TMEM132C: variants seen among roughly 807,000 people sequenced by gnomAD.
TMEM132C encodes protein phosphatase 1, regulatory subunit 152.
In TMEM132C, 29 loss-of-function variants were observed where a neutral mutation model predicts 61.4. The observed-to-expected ratio is 0.47, with a 90% CI of 0.35 to 0.64. The LOEUF (loss-of-function observed/expected upper bound fraction) is 0.64, where lower values mean the gene tolerates loss of function less well. Ranked by LOEUF, TMEM132C falls within the 30% of genes least tolerant of loss-of-function variation. The probability of loss-of-function intolerance (pLI) is 0.00; values close to 1 mark genes in which losing one functional copy is unlikely to be tolerated. For synonymous variants in TMEM132C, 656 were observed against 633.1 expected (o/e 1.04, Z -0.54); for missense variants, 1,408 against 1,476.9 (o/e 0.95, Z 0.76).
chr12:128,488,660 C>CA (rs201867929), intron 2 of TMEM132C, among the ~76,000 whole-genome samples: 19 of 150,026 alleles, frequency 1.3e-4, no homozygotes, highest in South Asian at 6.3e-4. Context: ...GACTCCATCT[C>CA]AAAAAAAATA....
At chr12:128,547,423 G>A (rs1276017454) in intron 3 of TMEM132C, among the ~76,000 whole-genome samples, 1 of 151,758 alleles carries the variant, frequency 6.6e-6, no homozygotes, top group Non-Finnish European at 1.5e-5. Flanking sequence ...AATTAGCCGG[G>A]CGTGGTGGCG....
At chr12:128,557,420 A>G (rs950334450) in intron 3 of TMEM132C, among the ~76,000 whole-genome samples, 8 of 152,206 alleles carry the variant, frequency 5.3e-5, no homozygotes, top group African/African-American at 1.9e-4. Flanking sequence ...CAGACCAGTA[A>G]TTAGTTTTAG....
chr12:128,653,708 C>T (rs1010011107), intron 4 of TMEM132C, among the ~76,000 whole-genome samples: 6 of 152,142 alleles, frequency 3.9e-5, no homozygotes, highest in Admixed American at 6.5e-5. Context: ...CTAGATAAAT[C>T]AGTGCATGCA....
intron 1 of TMEM132C, among the ~76,000 whole-genome samples, chr12:128,320,812 CAA>C (rs34303937): frequency 7.7e-6 from 1 of 129,220 alleles, no homozygotes; most frequent in Admixed American, 7.7e-5. Context: ...AAGATAAATA[CAA>C]AAAAAAAAAG....
At chr12:128,336,020 G>A (rs1376265869) in intron 1 of TMEM132C, among the ~76,000 whole-genome samples, 1 of 152,118 alleles carries the variant, frequency 6.6e-6, no homozygotes, top group Admixed American at 6.5e-5. Context: ...GTTTTATTTT[G>A]CCTCTGTAGT....
At chr12:128,509,588 G>A (rs1872505732) in intron 2 of TMEM132C, among the ~76,000 whole-genome samples, 1 of 152,182 alleles carries the variant, frequency 6.6e-6, no homozygotes, top group Non-Finnish European at 1.5e-5. Flanking sequence ...AGTGAGTTTG[G>A]GGTCCTGAGA....
At chr12:128,449,689 A>G (rs943628249) in intron 2 of TMEM132C, among the ~76,000 whole-genome samples, 22 of 152,234 alleles carry the variant, frequency 1.4e-4, no homozygotes, top group African/African-American at 4.8e-4. Flanking sequence ...CCATCAGAGT[A>G]CAAACTAATC....
At chr12:128,301,741 T>C (rs1566048554) in intron 1 of TMEM132C, among the ~76,000 whole-genome samples, 1 of 152,146 alleles carries the variant, frequency 6.6e-6, no homozygotes, top group Non-Finnish European at 1.5e-5. Context: ...CCTGTGAAGG[T>C]AGCTGACTAA....
At chr12:128,545,943 A>G (rs12367472) in intron 3 of TMEM132C, among the ~76,000 whole-genome samples, 1 of 152,030 alleles carries the variant, frequency 6.6e-6, no homozygotes, top group South Asian at 2.1e-4. Flanking sequence ...ATTACTGGAC[A>G]CATTTTCTTA....
chr12:128,659,997 T>G (rs998355216), intron 4 of TMEM132C, among the ~76,000 whole-genome samples: 1 of 152,162 alleles, frequency 6.6e-6, no homozygotes, highest in Non-Finnish European at 1.5e-5. Context: ...TTGAGTGAGT[T>G]AGTTGGCATT....
rs137928068 is a variant in TMEM132C at position 128,435,968 on chromosome 12, A to G, written c.974+20348A>G. Among the ~76,000 whole-genome samples the G allele has an allele frequency of 1.9e-3, 290 of 152,358 alleles. 1 individual carries two copies. The highest frequency in any genetic ancestry group is 0.017 in the East Asian group (86 of 5,182). On this transcript the variant is annotated intron_variant, in intron 2 of 8. Transcript: ENST00000435159. ...AATCAGAGATATAGACCAATGGAAC[A>G]GAACAGAGGCCTCAGAAATAACACC...
intron 3 of TMEM132C, among the ~76,000 whole-genome samples, chr12:128,584,278 A>C (rs1277863892): frequency 6.6e-6 from 1 of 152,174 alleles, no homozygotes; most frequent in Non-Finnish European, 1.5e-5. Context: ...AATTAATGAG[A>C]AACTTTCTGG....
intron 1 of TMEM132C, among the ~76,000 whole-genome samples, chr12:128,368,046 T>A (rs1042126691): frequency 7.2e-5 from 11 of 152,288 alleles, no homozygotes; most frequent in Admixed American, 7.2e-4. Context: ...ACATGGCAAC[T>A]TTGCGTGAAT....
At position 128,414,723 on chromosome 12, in the gene TMEM132C, C is replaced by T. The variant is rs1031530465; in HGVS notation, c.86-9C>T. 1.5e-5 allele frequency: 22 copies of T among 1,501,006 alleles called. No homozygotes were observed. In the Admixed American group the frequency reaches 4.0e-4, roughly 27 times the overall value. 93.0% of individuals were successfully genotyped at this position (1,501,006 alleles called of 1,614,324 possible). On this transcript the variant is annotated splice_polypyrimidine_tract_variant and intron_variant, in intron 1 of 8. Coordinates refer to ENST00000435159, the MANE Select transcript of TMEM132C (RefSeq NM_001136103.3). ...TGTCTTTTTCTTTTCTTTCTTTTTC[C>T]CTTTTTAGTGATAGAGGGTCACGGG...
At chr12:128,574,606 C>A (rs774364816) in intron 3 of TMEM132C, among the ~76,000 whole-genome samples, 1 of 152,194 alleles carries the variant, frequency 6.6e-6, no homozygotes, top group Non-Finnish European at 1.5e-5. Context: ...CCAGTGGCCC[C>A]CTTCTGGAGG....
At chr12:128,617,320 G>T (rs1876840072) in intron 4 of TMEM132C, among the ~76,000 whole-genome samples, 1 of 152,176 alleles carries the variant, frequency 6.6e-6, no homozygotes, top group Non-Finnish European at 1.5e-5. Flanking sequence ...ATGCCACGCT[G>T]GCTTCTTCAC....
intron 1 of TMEM132C, among the ~76,000 whole-genome samples, chr12:128,327,491 T>C (rs1267499125): frequency 7.1e-6 from 1 of 140,838 alleles, no homozygotes; most frequent in Admixed American, 6.7e-5. Flanking sequence ...CTCACCATTC[T>C]CCTGCCTCAA....
intron 1 of TMEM132C, among the ~76,000 whole-genome samples, chr12:128,388,732 C>T (rs374566328): frequency 3.0e-4 from 45 of 152,378 alleles, no homozygotes; most frequent in African/African-American, 1.1e-3. Context: ...GGGCCGTGTG[C>T]TCTGTGCAGC....
chr12:128,429,185 G>A (rs1869299746), intron 2 of TMEM132C, among the ~76,000 whole-genome samples: 1 of 152,152 alleles, frequency 6.6e-6, no homozygotes, highest in Non-Finnish European at 1.5e-5. Context: ...AATGTCTGGA[G>A]ACATTTTTGG....
Sources: allele counts gnomAD v4.1 joint callset (sites outside exome capture counted in the v4.1 genomes callset), GRCh38; gene constraint gnomAD v4.1.1; transcripts MANE v1.5; gene names NCBI Gene and HGNC (gene_info 2026-07-23, HGNC 2026-07-21).